The following EDAR variants were observed in gnomAD, a reference collection of about 807,000 sequenced individuals.
EDAR encodes ectodysplasin A receptor.
In EDAR, 38 loss-of-function variants were observed where a neutral mutation model predicts 51.3. The observed-to-expected ratio is 0.74, with a 90% confidence interval of 0.57 to 0.97. The LOEUF (loss-of-function observed/expected upper bound fraction) is 0.97, where lower values mean the gene tolerates loss of function less well. Ranked by LOEUF, EDAR falls within the 50% of genes least tolerant of loss-of-function variation. The pLI is 0.00. For synonymous variants in EDAR, 227 were observed against 242.1 expected (o/e 0.94, Z 0.58); for missense variants, 528 against 595.0 (o/e 0.89, Z 1.17).
chr2:108,908,203 G>A (rs535649166), intron 9 of EDAR, among the ~76,000 whole-genome samples, 184 bp from the exon 10 acceptor site: 3 of 152,062 alleles, frequency 2.0e-5, no homozygotes, highest in East Asian at 1.9e-4. Context: ...GACATACACC[G>A]GTGGCTTCCT....
chr2:108,929,335 G>C lies in EDAR; in HGVS notation c.219C>G (p.Pro73=), dbSNP rs1210745596. 11 of 1,614,168 alleles carry C rather than the reference G, an allele frequency of 6.8e-6. No homozygotes were observed. The highest frequency in any genetic ancestry group is 8.5e-6 in the Non-Finnish European group (10 of 1,180,044). Residue 73 remains proline, a synonymous_variant, in exon 4 of 12, where the codon CCC becomes CCG. Transcript: ENST00000258443. ...CTTTGGAAAACTTCTCCGCCGGGCAGGGGACGCAGCCGTAGTCCTCGTCTT... is the reference window on the plus strand; with the variant it reads ...CTTTGGAAAACTTCTCCGCCGGGCACGGGACGCAGCCGTAGTCCTCGTCTT... ...GTKDEDYGCV[P]CPAEKFSKGG...
intron 1 of EDAR, among the ~76,000 whole-genome samples, chr2:108,962,917 C>G (rs553472891): frequency 2.5e-4 from 38 of 152,152 alleles, no homozygotes; most frequent in Non-Finnish European, 3.8e-4. Flanking sequence ...CAGACAATCC[C>G]AGTGTTGTTC....
intron 10 of EDAR, 122 bp from the exon 11 acceptor site, chr2:108,906,490 C>T: frequency 2.0e-6 from 2 of 1,004,508 alleles, no homozygotes; most frequent in Non-Finnish European, 3.1e-6. Context: ...CTGCACACAG[C>T]CCCCGTGTCA....
At chr2:108,959,724 C>T (rs1337416327) in intron 1 of EDAR, among the ~76,000 whole-genome samples, 1 of 152,076 alleles carries the variant, frequency 6.6e-6, no homozygotes, top group African/African-American at 2.4e-5. Flanking sequence ...CTTTCCCCAG[C>T]GTATGAGAGC....
At chr2:108,910,718 C>A in intron 8 of EDAR, 58 bp downstream of exon 8, 3 of 1,589,356 alleles carry the variant, frequency 1.9e-6, no homozygotes, top group Non-Finnish European at 2.6e-6. Flanking sequence ...TCTGGGAACG[C>A]CCTCCACCCA....
At chr2:108,903,142 A>AGT (rs748567244) in intron 11 of EDAR, among the ~76,000 whole-genome samples, 4 of 152,238 alleles carry the variant, frequency 2.6e-5, no homozygotes, top group Non-Finnish European at 4.4e-5. Flanking sequence ...TGTCGTTTAC[A>AGT]GTGGCTCAAA....
intron 1 of EDAR, among the ~76,000 whole-genome samples, chr2:108,962,360 T>A (rs760810892): frequency 6.6e-6 from 1 of 152,086 alleles, no homozygotes; most frequent in African/African-American, 2.4e-5. Flanking sequence ...AAAGCTCAAA[T>A]AGCCAATAAG....
At chr2:108,985,638 A>G (rs1039458703) in intron 1 of EDAR, among the ~76,000 whole-genome samples, 3 of 152,178 alleles carry the variant, frequency 2.0e-5, no homozygotes, top group African/African-American at 2.4e-5. Context: ...CTTCACCCAC[A>G]TGTGTCTGCT....
Position 108,910,513 on chromosome 2 carries a change from G to A in EDAR, c.750C>T (p.Ser250=), listed in dbSNP as rs260632. 1,463,421 of 1,613,114 alleles carry A rather than the reference G, an allele frequency of 0.91. 664,238 individuals are homozygous for A. The highest frequency in any genetic ancestry group is 1 in the East Asian group (44,767 of 44,824). ...KEAPDNVVMF[S]EKDEFEKLTA... The stretch of plus-strand genomic sequence containing the variant: ...TCAGCTTCTCAAATTCATCCTTCTC[G>A]GAGAACATCACCACGTTGTCTGCAG... The change falls in exon 9 of 12, where the codon TCC becomes TCT. Residue 250 remains serine, a synonymous_variant. Transcript: ENST00000258443.
chr2:108,921,712 G>A (rs997003269), intron 5 of EDAR, among the ~76,000 whole-genome samples: 1 of 152,214 alleles, frequency 6.6e-6, no homozygotes, highest in South Asian at 2.1e-4. Context: ...AGGCCCAGGG[G>A]TGGAGGGCAT....
intron 1 of EDAR, among the ~76,000 whole-genome samples, chr2:108,969,449 G>A (rs2104434760): frequency 6.6e-6 from 1 of 152,260 alleles, no homozygotes. Flanking sequence ...ATGTTTATGG[G>A]GCCAGACACC....
chr2:108,955,945 C>T (rs1481873921), intron 1 of EDAR, among the ~76,000 whole-genome samples: 8 of 152,060 alleles, frequency 5.3e-5, no homozygotes, highest in Admixed American at 2.6e-4. Flanking sequence ...AGAAGAATGG[C>T]GGGAACCCAG....
At chr2:108,923,967 T>A (rs75080817) in intron 4 of EDAR, among the ~76,000 whole-genome samples, 5,312 of 152,324 alleles carry the variant, frequency 0.035, 312 homozygotes, top group African/African-American at 0.12. Context: ...AGAGTGCAGC[T>A]GCAGGAGACA....
At chr2:108,955,003 G>A (rs1199755481) in intron 1 of EDAR, among the ~76,000 whole-genome samples, 1 of 152,020 alleles carries the variant, frequency 6.6e-6, no homozygotes, top group East Asian at 1.9e-4. Context: ...ATCTTACACA[G>A]GAACTCCCAC....
At chr2:108,912,878 G>C (rs1696954208) in intron 5 of EDAR, 114 bp from the exon 6 acceptor site, 2 of 821,962 alleles carry the variant, frequency 2.4e-6, no homozygotes, top group Admixed American at 2.0e-5. Flanking sequence ...AGGCAGTGAT[G>C]GCTGAGGGGA....
chr2:108,929,850 G>A lies in EDAR; in HGVS notation c.174+270C>T, dbSNP rs111662224. On this transcript the variant is annotated intron_variant, in intron 3 of 11. Coordinates refer to ENST00000258443, the MANE Select transcript of EDAR (RefSeq NM_022336.4). ...CCTGCTTCCAATCAGATGATCTGAC[G>A]CTCATTTAATCAGGGTAGAGTGGGA... is the stretch of plus-strand genomic sequence containing the variant. 7.2e-5 allele frequency among the ~76,000 whole-genome samples: 11 copies of A among 152,300 alleles called. 1 individual carries two copies. Among genetic ancestry groups the A allele is most frequent in the African/African-American group, 2.2e-4 (9 of 41,560 alleles).
At chr2:108,910,585 T>A in intron 8 of EDAR, 53 bp from the exon 9 acceptor site, 1 of 1,512,304 alleles carries the variant, frequency 6.6e-7, no homozygotes, top group African/African-American at 1.4e-5. Context: ...GGCTCATGGC[T>A]CTGCGCTCAG....
chr2:108,931,032 C>T lies in EDAR; in HGVS notation c.-18G>A. 2 of 1,613,984 alleles carry T rather than the reference C, an allele frequency of 1.2e-6. No homozygotes were observed. The highest frequency in any genetic ancestry group is 1.7e-6 in the Non-Finnish European group (2 of 1,179,974). On this transcript the variant is annotated splice_region_variant and 5_prime_UTR_variant, in exon 2 of 12. It adds an upstream start codon to the 5' untranslated region. Transcript: ENST00000258443. The stretch of plus-strand genomic sequence containing the variant: ...TGGGCCATCCTCTCCCAAGGGCTCA[C>T]CTGAAAGACATGCGTCATTAGCTGG...
intron 11 of EDAR, among the ~76,000 whole-genome samples, chr2:108,904,699 A>G (rs1014451616): frequency 7.2e-5 from 11 of 152,208 alleles, no homozygotes; most frequent in Non-Finnish European, 2.9e-5. Flanking sequence ...TGCTGAGTGA[A>G]AAAAGCCATT....
Sources: allele counts gnomAD v4.1 joint callset (sites outside exome capture counted in the v4.1 genomes callset), GRCh38; gene constraint gnomAD v4.1.1; transcripts MANE v1.5; gene names NCBI Gene and HGNC (gene_info 2026-07-23, HGNC 2026-07-21).